Variants in SRGAP3 observed in about 807,000 individuals in gnomAD.
SRGAP3 encodes the protein SLIT-ROBO Rho GTPase activating protein 3.
SRGAP3 carries 39 observed loss-of-function variants against 121.1 expected under a neutral mutation model. That is an observed-to-expected ratio of 0.32 (90% CI 0.25 to 0.42). The LOEUF is 0.42. SRGAP3 is among the 10% of genes least tolerant of loss of function. The pLI is 1.00. For missense variants in SRGAP3, 1,213 were observed against 1,470.6 expected (o/e 0.82, Z 2.86); for synonymous variants, 601 against 570.0 (o/e 1.05, Z -0.77).
intron 3 of SRGAP3, chr3:9,292,731 T>C (rs1004919408): frequency 3.3e-5 from 5 of 152,156 alleles, no homozygotes; most frequent in African/African-American, 9.7e-5. Flanking sequence ...GCATCTAATA[T>C]CTAGCAAATA....
chr3:9,360,228 T>C (rs2030722193), intron 1 of SRGAP3, among the ~76,000 whole-genome samples: 1 of 152,238 alleles, frequency 6.6e-6, no homozygotes. Context: ...CATGCCCAGT[T>C]TGTGTACAAG....
At chr3:9,098,577 G>A (rs952097204) in intron 3 of SRGAP3, among the ~76,000 whole-genome samples, 8 of 152,116 alleles carry the variant, frequency 5.3e-5, no homozygotes, top group African/African-American at 1.9e-4. Context: ...ATCTTCTTTG[G>A]CACCTGCCTT....
chr3:9,243,935 G>C (rs1953737107), intron 1 of SRGAP3, among the ~76,000 whole-genome samples: 1 of 152,198 alleles, frequency 6.6e-6, no homozygotes, highest in African/African-American at 2.4e-5. Flanking sequence ...TTGAAACACT[G>C]AAGGAACTGA....
At position 9,348,707 on chromosome 3, in the gene SRGAP3, C is replaced by T. The variant is rs1222428708; in HGVS notation, n.214+14133G>A. The T allele has an allele frequency of 2.5e-6, 3 of 1,196,300 alleles. No homozygotes were observed. The African/African-American group carries it at 4.4e-5, about 18-fold the overall frequency. 74.1% of individuals were successfully genotyped at this position (1,196,300 alleles called of 1,614,324 possible). A position where few individuals can be genotyped will look rare whatever the true frequency, so the allele number is the denominator to read the frequency against. On this transcript the variant is annotated intron_variant and non_coding_transcript_variant, in intron 1 of 3. Transcript: ENST00000490889. ...TAGTGAGGATTGGTGCCTCAATGAG[C>T]AGCACTCTGGGGGTCTGATCGGTCT...
At chr3:9,037,920 C>G in intron 11 of SRGAP3, 143 bp downstream of exon 11, 1 of 1,099,942 alleles carries the variant, frequency 9.1e-7, no homozygotes. Context: ...CTGTGCCTCA[C>G]CTGGGCACAC....
rs757505889 is a variant in SRGAP3 at position 9,011,845 on chromosome 3, T to C, written c.2148-1458A>G. Among the ~76,000 whole-genome samples the C allele has an allele frequency of 8.2e-4, 125 of 152,216 alleles. 1 individual carries two copies. Among genetic ancestry groups the C allele is most frequent in the African/African-American group, 6.5e-4 (27 of 41,456 alleles). On this transcript the variant is annotated intron_variant, in intron 17 of 21. Coordinates refer to ENST00000383836, the MANE Select transcript of SRGAP3 (RefSeq NM_014850.4). ...TGAAGACTCCAAAATTACCATGTAA[T>C]TAATAGTTTTACAGTCTCGTGGGAA...
At chr3:9,132,234 A>C (rs1949482934) in intron 1 of SRGAP3, among the ~76,000 whole-genome samples, 1 of 152,194 alleles carries the variant, frequency 6.6e-6, no homozygotes, top group East Asian at 1.9e-4. Context: ...CATTTATTGC[A>C]ATTGAAGAGC....
At chr3:9,087,113 T>C (rs532456097) in intron 3 of SRGAP3, among the ~76,000 whole-genome samples, 7 of 152,252 alleles carry the variant, frequency 4.6e-5, no homozygotes, top group African/African-American at 1.7e-4. Flanking sequence ...TATATATTTA[T>C]ATGTGTGTGT....
chr3:9,000,579 C>T (rs1196459924), intron 18 of SRGAP3, among the ~76,000 whole-genome samples: 1 of 152,172 alleles, frequency 6.6e-6, no homozygotes, highest in Non-Finnish European at 1.5e-5. Context: ...CTCTCAAGAA[C>T]AGTGGAGGTC....
At chr3:8,997,938 T>C (rs948714812) in intron 18 of SRGAP3, among the ~76,000 whole-genome samples, 1 of 151,908 alleles carries the variant, frequency 6.6e-6, no homozygotes, top group African/African-American at 2.4e-5. Context: ...TGGAGTGCAG[T>C]GGTGCAATCA....
chr3:9,104,491 T>C (rs1948340577), intron 3 of SRGAP3, among the ~76,000 whole-genome samples, 189 bp downstream of exon 3: 1 of 152,228 alleles, frequency 6.6e-6, no homozygotes, highest in Non-Finnish European at 1.5e-5. Flanking sequence ...ACACACTCTT[T>C]AAAAGGCACA....
chr3:9,294,550 C>CAAACA (rs1553568559), intron 3 of SRGAP3, among the ~76,000 whole-genome samples: 3 of 125,270 alleles, frequency 2.4e-5, no homozygotes, highest in Non-Finnish European at 5.4e-5. Flanking sequence ...AACAAACAAA[C>CAAACA]AAAAAAAAAC....
intron 1 of SRGAP3, among the ~76,000 whole-genome samples, chr3:9,136,233 C>G (rs1233841307): frequency 6.6e-6 from 1 of 152,238 alleles, no homozygotes; most frequent in Non-Finnish European, 1.5e-5. Flanking sequence ...CACGGGCTCC[C>G]CATTGCCGCC....
At chr3:9,201,851 C>T (rs1265282272) in intron 1 of SRGAP3, among the ~76,000 whole-genome samples, 1 of 152,252 alleles carries the variant, frequency 6.6e-6, no homozygotes, top group Non-Finnish European at 1.5e-5. Context: ...TGAAGACCTA[C>T]TATGGGCCAG....
At position 9,294,215 on chromosome 3, in the gene SRGAP3, C is replaced by G. The variant is rs552980436; in HGVS notation, n.442+31795G>C. Among the ~76,000 whole-genome samples the G allele has an allele frequency of 6.4e-4, 97 of 152,264 alleles. 2 individuals carry two copies. The highest frequency in any genetic ancestry group is 2.2e-3 in the African/African-American group (91 of 41,558). On this transcript the variant is annotated intron_variant and non_coding_transcript_variant, in intron 3 of 3. Transcript: ENST00000490889. ...GCCAAAAAAAGAATGAGATCATGTCCTTTGCAGGGACATGGATGGAGCTGG... is the reference window on the plus strand; with the variant it reads ...GCCAAAAAAAGAATGAGATCATGTCGTTTGCAGGGACATGGATGGAGCTGG...
intron 1 of SRGAP3, chr3:9,362,804 T>C (rs2030971523): frequency 6.6e-6 from 1 of 152,104 alleles, no homozygotes; most frequent in Non-Finnish European, 1.5e-5. Context: ...CAAAAGAGAC[T>C]TGTTCCAAAT....
chr3:9,084,580 C>G (rs187828562), intron 3 of SRGAP3, among the ~76,000 whole-genome samples: 1 of 152,186 alleles, frequency 6.6e-6, no homozygotes, highest in African/African-American at 2.4e-5. Flanking sequence ...ACTTCTGTAG[C>G]TTTATTGATC....
intron 1 of SRGAP3, among the ~76,000 whole-genome samples, chr3:9,177,663 C>G (rs1446616693): frequency 1.3e-5 from 2 of 152,198 alleles, no homozygotes; most frequent in African/African-American, 2.4e-5. Context: ...GTGCCAAGGA[C>G]AGCATCTGTG....
intron 4 of SRGAP3, among the ~76,000 whole-genome samples, chr3:9,078,040 A>C (rs145781411): frequency 7.4e-4 from 112 of 152,352 alleles, no homozygotes; most frequent in Non-Finnish European, 1.3e-4. Flanking sequence ...ATTTTGGTAC[A>C]TCTGCCATAG....
Sources: gnomAD v4.1 joint callset for allele counts (sites outside exome capture counted in the v4.1 genomes callset) on GRCh38, gnomAD v4.1.1 for gene constraint, MANE v1.5 for transcripts, NCBI Gene and HGNC (gene_info 2026-07-23, HGNC 2026-07-21) for gene names.